The following BLTP2 variants were observed in gnomAD, a reference collection of about 807,000 sequenced individuals.
The protein encoded by BLTP2 is bridge-like lipid transfer protein family member 2.
chr17:28,639,082 T>C, the BLTP2 span: 1 of 542,884 alleles, frequency 1.8e-6, no homozygotes, highest in Non-Finnish European at 3.3e-6. Flanking sequence ...AAACATTTAT[T>C]TTGTATAAAA....
chr17:28,629,663 A>G, the BLTP2 span, among the ~76,000 whole-genome samples: 1 of 151,838 alleles, frequency 6.6e-6, no homozygotes, highest in Admixed American at 6.6e-5. Context: ...TTTTTTAGTA[A>G]AGATGGGGTT....
At chr17:28,615,220 C>T in the BLTP2 span, 2 of 1,612,108 alleles carry the variant, frequency 1.2e-6, no homozygotes, top group South Asian at 1.1e-5. Context: ...CTGTTGCAGA[C>T]TTCAGCCTTA....
the BLTP2 span, chr17:28,617,228 T>C: frequency 6.2e-7 from 1 of 1,611,450 alleles, no homozygotes; most frequent in African/African-American, 1.3e-5. Flanking sequence ...GAAAAAAGAC[T>C]TGCCTTATAG....
At chr17:28,615,801 G>A in the BLTP2 span, 3 of 1,613,272 alleles carry the variant, frequency 1.9e-6, no homozygotes, top group South Asian at 2.2e-5. Context: ...TTCTCACCCT[G>A]TAAGAGGAGG....
chr17:28,635,725 T>C, the BLTP2 span: 2 of 1,044,354 alleles, frequency 1.9e-6, no homozygotes, highest in Non-Finnish European at 2.7e-6. Flanking sequence ...CAGAAGTTGT[T>C]CCTGAGTAAT....
the BLTP2 span, chr17:28,616,632 T>A: frequency 1.2e-6 from 2 of 1,614,232 alleles, no homozygotes; most frequent in Non-Finnish European, 1.7e-6. This position sits in a 1 kb window ranked among gnomAD's most constrained non-coding sequence, Gnocchi z 4.8. Flanking sequence ...AGTCACCAGT[T>A]TGGACTTATC....
At chr17:28,640,100 G>A in the BLTP2 span, 1 of 1,556,746 alleles carries the variant, frequency 6.4e-7, no homozygotes, top group Non-Finnish European at 8.7e-7. Flanking sequence ...TTTTTTAAAA[G>A]TAATTATTTT....
the BLTP2 span, chr17:28,623,859 C>T: frequency 6.2e-7 from 1 of 1,614,214 alleles, no homozygotes; most frequent in Non-Finnish European, 8.5e-7. Flanking sequence ...ATGTCTTTTG[C>T]TTCAATGTAT....
the BLTP2 span, chr17:28,616,685 A>G: frequency 4.6e-5 from 74 of 1,614,076 alleles, no homozygotes; most frequent in South Asian, 7.5e-4. This position sits in a 1 kb window ranked among gnomAD's most constrained non-coding sequence, Gnocchi z 4.8. Context: ...TTCGGCCAGG[A>G]AAGAAAAAGC....
At chr17:28,640,585 C>T in the BLTP2 span, 1 of 1,613,976 alleles carries the variant, frequency 6.2e-7, no homozygotes. Context: ...ATGGACAATA[C>T]CACGCTTGTG....
the BLTP2 span, chr17:28,635,775 A>G: frequency 1.5e-6 from 1 of 654,392 alleles, no homozygotes; most frequent in Non-Finnish European, 2.5e-6. Flanking sequence ...GTTAGCACTA[A>G]TGTGCTGAGC....
the BLTP2 span, chr17:28,618,800 G>T: frequency 6.2e-7 from 1 of 1,613,352 alleles, no homozygotes; most frequent in Non-Finnish European, 8.5e-7. Context: ...CCTTGCTGTA[G>T]AGGAACCTCT....
At chr17:28,640,658 T>C in the BLTP2 span, 1 of 1,614,108 alleles carries the variant, frequency 6.2e-7, no homozygotes, top group Non-Finnish European at 8.5e-7. Context: ...CAGGCAGAGT[T>C]GGCTCAACTA....
chr17:28,633,490 G>T, the BLTP2 span: 1 of 1,587,300 alleles, frequency 6.3e-7, no homozygotes, highest in Non-Finnish European at 8.6e-7. Context: ...TCCCACATGT[G>T]CTATACAGAC....
At chr17:28,626,097 T>C in the BLTP2 span, among the ~76,000 whole-genome samples, 2 of 152,176 alleles carry the variant, frequency 1.3e-5, no homozygotes, top group African/African-American at 2.4e-5. Flanking sequence ...GACACCATGA[T>C]AGTTTCCTAA....
At chr17:28,619,093 A>G in the BLTP2 span, 1 of 700,524 alleles carries the variant, frequency 1.4e-6, no homozygotes, top group Non-Finnish European at 2.3e-6. Context: ...TGGGTTAGCC[A>G]GTCCCTACAT....
chr17:28,615,295 G>T, the BLTP2 span: 2 of 1,472,708 alleles, frequency 1.4e-6, no homozygotes, highest in Non-Finnish European at 1.9e-6. Context: ...TAGTGGGCAG[G>T]CAGAATAAAT....
At chr17:28,625,353 A>AAG in the BLTP2 span, among the ~76,000 whole-genome samples, 5 of 149,026 alleles carry the variant, frequency 3.4e-5, no homozygotes, top group East Asian at 3.9e-4. Context: ...AAAAAAAAAA[A>AAG]AAAAAGAAAA....
At chr17:28,639,096 T>C in the BLTP2 span, 1 of 580,342 alleles carries the variant, frequency 1.7e-6, no homozygotes, top group Admixed American at 3.1e-5. Flanking sequence ...TATAAAACAC[T>C]ACACTGAGCA....
Sources: gnomAD v4.1 joint callset for allele counts (sites outside exome capture counted in the v4.1 genomes callset) on GRCh38, gnomAD v4.1.1 for gene constraint, Gnocchi (gnomAD v3.1) non-coding constraint, MANE v1.5 for transcripts, NCBI Gene and HGNC (gene_info 2026-07-23, HGNC 2026-07-21) for gene names.